Variants in NKAIN2 observed in about 807,000 individuals in gnomAD.
The protein encoded by NKAIN2 is sodium/potassium transporting ATPase interacting 2.
A neutral mutation model predicts 32.6 loss-of-function variants in NKAIN2; 14 were observed. The ratio of observed to expected loss-of-function variants is 0.43; its 90% confidence interval spans 0.28 to 0.67. The LOEUF (loss-of-function observed/expected upper bound fraction) is 0.67. Ranked by LOEUF, NKAIN2 falls within the 30% of genes least tolerant of loss-of-function variation. The pLI is 0.17. For synonymous variants in NKAIN2, 80 were observed against 87.2 expected (o/e 0.92, Z 0.46); for missense variants, 198 against 258.3 (o/e 0.77, Z 1.60).
At chr6:124,709,694 A>T (rs952399378) in intron 4 of NKAIN2, among the ~76,000 whole-genome samples, 1 of 151,120 alleles carries the variant, frequency 6.6e-6, no homozygotes, top group African/African-American at 2.4e-5. Context: ...TATCCCCTTT[A>T]TCATTTTTTA....
intron 1 of NKAIN2, among the ~76,000 whole-genome samples, chr6:124,025,698 T>A (rs943383671): frequency 6.6e-6 from 1 of 152,228 alleles, no homozygotes; most frequent in African/African-American, 2.4e-5. Context: ...CTTACCACAA[T>A]AGACGTAAGT....
At chr6:124,740,586 A>C (rs1238385875) in intron 4 of NKAIN2, among the ~76,000 whole-genome samples, 3 of 151,836 alleles carry the variant, frequency 2.0e-5, no homozygotes, top group African/African-American at 4.8e-5. Flanking sequence ...TGATAAAATG[A>C]CATTTGTGCC....
At chr6:124,761,281 T>A (rs1487170507) in intron 4 of NKAIN2, among the ~76,000 whole-genome samples, 1 of 152,212 alleles carries the variant, frequency 6.6e-6, no homozygotes, top group Admixed American at 6.5e-5. Context: ...CCACACATGA[T>A]GGTGCGGGGA....
chr6:124,807,644 C>A (rs1251925146), intron 5 of NKAIN2, among the ~76,000 whole-genome samples: 6 of 147,508 alleles, frequency 4.1e-5, no homozygotes, highest in African/African-American at 1.5e-4. Context: ...AAAATCAGAG[C>A]AGAACTGAAG....
chr6:124,065,152 A>G (rs1271002213), intron 1 of NKAIN2, among the ~76,000 whole-genome samples: 1 of 151,958 alleles, frequency 6.6e-6, no homozygotes, highest in East Asian at 1.9e-4. Flanking sequence ...TTTTCACAGT[A>G]TTTCATTTAG....
chr6:124,692,680 G>T (rs894678696), intron 4 of NKAIN2, among the ~76,000 whole-genome samples: 1 of 152,030 alleles, frequency 6.6e-6, no homozygotes, highest in Admixed American at 6.6e-5. Context: ...GCCGGGCATG[G>T]TGGCAGGCGC....
intron 3 of NKAIN2, among the ~76,000 whole-genome samples, chr6:124,431,819 A>G (rs1775228456): frequency 6.6e-6 from 1 of 152,182 alleles, no homozygotes; most frequent in African/African-American, 2.4e-5. Context: ...TACATAACAC[A>G]TAGGAAACTC....
intron 3 of NKAIN2, among the ~76,000 whole-genome samples, chr6:124,434,453 A>G (rs553928610): frequency 2.0e-5 from 3 of 152,208 alleles, no homozygotes; most frequent in Non-Finnish European, 2.9e-5. Flanking sequence ...TTTCGAATGC[A>G]CCGTATCTAT....
At chr6:124,489,383 T>C (rs1165143322) in intron 3 of NKAIN2, among the ~76,000 whole-genome samples, 2 of 151,922 alleles carry the variant, frequency 1.3e-5, no homozygotes, top group East Asian at 3.9e-4. Context: ...TCCTAATTCA[T>C]CACTGTTGCC....
At chr6:124,138,529 A>T (rs1786951408) in intron 1 of NKAIN2, among the ~76,000 whole-genome samples, 1 of 151,676 alleles carries the variant, frequency 6.6e-6, no homozygotes, top group Admixed American at 6.6e-5. Context: ...TGAAAAAGAC[A>T]TTTGCATGTC....
In NKAIN2 at chr6:124,304,154, G is replaced by T. The variant is rs180758447; in HGVS notation, c.192+21012G>T. Among the ~76,000 whole-genome samples the T allele has an allele frequency of 1.3e-4, 20 of 152,260 alleles. No individual in the cohort carries two copies. In the East Asian group the frequency reaches 3.7e-3, roughly 28 times the overall value. On this transcript the variant is annotated intron_variant, in intron 2 of 6. Transcript: ENST00000368417. ...ATATTGAATGGATACTAGAGACACG[G>T]TAGATTTGTTTAGTCATCAGTATTT...
At chr6:124,042,037 C>A (rs146121567) in intron 1 of NKAIN2, among the ~76,000 whole-genome samples, 3 of 152,138 alleles carry the variant, frequency 2.0e-5, no homozygotes, top group East Asian at 1.9e-4. Context: ...GAAATTATTT[C>A]TTTGTTTTCA....
chr6:124,046,308 A>G (rs572187726), intron 1 of NKAIN2, among the ~76,000 whole-genome samples: 1 of 152,094 alleles, frequency 6.6e-6, no homozygotes, highest in South Asian at 2.1e-4. Flanking sequence ...TCCTTGGGGG[A>G]AATGATACAA....
chr6:123,902,926 G>A (rs1392520857), intron 1 of NKAIN2, among the ~76,000 whole-genome samples: 1 of 152,134 alleles, frequency 6.6e-6, no homozygotes, highest in Non-Finnish European at 1.5e-5. Flanking sequence ...AATATACAGA[G>A]CCTTAATCTA....
chr6:124,001,817 A>G (rs1429420012), intron 1 of NKAIN2, among the ~76,000 whole-genome samples: 13 of 147,294 alleles, frequency 8.8e-5, no homozygotes. Context: ...ATATATATAT[A>G]TATATATATA....
intron 1 of NKAIN2, among the ~76,000 whole-genome samples, chr6:123,950,065 C>T (rs1388598983): frequency 1.3e-5 from 2 of 151,998 alleles, no homozygotes; most frequent in Middle Eastern, 3.4e-3. Context: ...TTTTGTTCCT[C>T]ATCCTGTTGA....
intron 1 of NKAIN2, among the ~76,000 whole-genome samples, chr6:123,914,700 C>T (rs1775402823): frequency 6.6e-6 from 1 of 152,180 alleles, no homozygotes; most frequent in African/African-American, 2.4e-5. Flanking sequence ...ACTCAGGTCT[C>T]TCTCTGCCCT....
intron 1 of NKAIN2, among the ~76,000 whole-genome samples, chr6:124,164,457 G>A (rs553540585): frequency 5.3e-5 from 8 of 152,088 alleles, no homozygotes; most frequent in African/African-American, 1.9e-4. Context: ...ATATCACATC[G>A]TTGAGAAGCA....
intron 3 of NKAIN2, among the ~76,000 whole-genome samples, chr6:124,412,327 A>T (rs923448445): frequency 2.0e-4 from 30 of 152,024 alleles, no homozygotes; most frequent in Non-Finnish European, 4.1e-4. Flanking sequence ...TTGGTCTTTG[A>T]TGATGGTGAC....
Sources: gnomAD v4.1 joint callset for allele counts (sites outside exome capture counted in the v4.1 genomes callset) on GRCh38, gnomAD v4.1.1 for gene constraint, MANE v1.5 for transcripts, NCBI Gene and HGNC (gene_info 2026-07-23, HGNC 2026-07-21) for gene names.